Variants in COL24A1 observed in about 807,000 individuals in gnomAD.
COL24A1 encodes collagen alpha-1(XXIV) chain.
A neutral mutation model predicts 253.9 loss-of-function variants in COL24A1; 224 were observed. The ratio of observed to expected loss-of-function variants is 0.88; its 90% CI spans 0.79 to 0.99. The LOEUF is 0.99. Among genes scored for constraint, COL24A1 ranks in the 50% least tolerant of loss-of-function variants. The pLI is 0.00. For synonymous variants in COL24A1, 685 were observed against 673.7 expected, an observed-to-expected ratio of 1.02 and a Z score of -0.26; for missense variants, 2,131 against 2,068.5, an observed-to-expected ratio of 1.03 and a Z score of -0.59.
chr1:86,084,665 T>A (rs1330552191), intron 7 of COL24A1, among the ~76,000 whole-genome samples: 1 of 152,158 alleles, frequency 6.6e-6, no homozygotes, highest in Non-Finnish European at 1.5e-5. Context: ...AACTGAAATA[T>A]TTTTAGCCAA....
Position 85,842,359 on chromosome 1 carries a change from G to T in COL24A1, c.3497C>A (p.Pro1166Gln), listed in dbSNP as rs781495757. ...ACTTACCCTGTACCCTGGAATTCCT[G>T]GTTCTCCATCAGGTCCCATCAATCC... ...HLGLMGPDGE[P>Q]GIPGYRGHQG... The change falls in exon 40 of 60, where the codon CCA becomes CAA. Residue 1166 changes from proline to glutamine, a missense_variant. By Grantham distance (76) the Pro-to-Gln change is moderately conservative. Coordinates refer to ENST00000370571, the MANE Select transcript of COL24A1 (RefSeq NM_152890.7). 1 of 1,600,724 alleles carries T rather than the reference G, an allele frequency of 6.2e-7. No individual in the cohort carries two copies. Among genetic ancestry groups the T allele is most frequent in the South Asian group, 1.1e-5 (1 of 88,664 alleles).
At chr1:85,950,038 ACTC>A (rs1689738805) in intron 24 of COL24A1, among the ~76,000 whole-genome samples, 1 of 151,346 alleles carries the variant, frequency 6.6e-6, no homozygotes, top group Non-Finnish European at 1.5e-5. Context: ...TTTTAGGAAA[ACTC>A]CTCCACATTA....
chr1:85,889,513 T>C (rs1322698456), intron 32 of COL24A1, 47 bp downstream of exon 32: 1 of 1,466,020 alleles, frequency 6.8e-7, no homozygotes, highest in Non-Finnish European at 9.5e-7. Flanking sequence ...AATGTAAATG[T>C]ATTTTATGAG....
chr1:85,849,191 C>A (rs930608128), intron 38 of COL24A1, among the ~76,000 whole-genome samples, 162 bp downstream of exon 38: 1 of 152,060 alleles, frequency 6.6e-6, no homozygotes, highest in Admixed American at 6.5e-5. Flanking sequence ...GTACTCCTAA[C>A]TGAAATTAAA....
chr1:85,784,188 T>C, intron 49 of COL24A1, 22 bp from the exon 50 acceptor site: 1 of 1,612,926 alleles, frequency 6.2e-7, no homozygotes, highest in Non-Finnish European at 8.5e-7. Flanking sequence ...ATTGACATGA[T>C]AATAATTATT....
In COL24A1 at chr1:86,097,004, C is replaced by T. The variant is rs373752677; in HGVS notation, c.1600-4684G>A. Among the ~76,000 whole-genome samples, 17 of 152,282 alleles carry T rather than the reference C, an allele frequency of 1.1e-4. No homozygotes were observed. In the South Asian group the frequency reaches 3.3e-3, roughly 30 times the overall value. Reference sequence around the variant, plus strand: ...GCTCTGCCTTCTCTCATTAAACAGACAAATCCACCATTCTTTCACCAGGCT... The same window carrying T: ...GCTCTGCCTTCTCTCATTAAACAGATAAATCCACCATTCTTTCACCAGGCT... On this transcript the variant is annotated intron_variant, in intron 5 of 59. Coordinates refer to ENST00000370571, the MANE Select transcript of COL24A1 (RefSeq NM_152890.7).
At chr1:85,733,634 C>G (rs1663741745) in intron 59 of COL24A1, among the ~76,000 whole-genome samples, 1 of 151,052 alleles carries the variant, frequency 6.6e-6, no homozygotes, top group Non-Finnish European at 1.5e-5. Context: ...GGCTGGAGTG[C>G]AGTGGCACAA....
Position 85,868,768 on chromosome 1 carries a change from A to G in COL24A1, c.3192+14T>C, listed in dbSNP as rs970590407. ...AACATCTATTTTATATATAATCTTA[A>G]AAGTATAATTTACCTTTAACCCATC... is the stretch of plus-strand genomic sequence containing the variant. On this transcript the variant is annotated intron_variant, in intron 36 of 59. Coordinates refer to ENST00000370571, the MANE Select transcript of COL24A1 (RefSeq NM_152890.7). The G allele has an allele frequency of 3.3e-6, 5 of 1,517,226 alleles. No homozygotes were observed. Among genetic ancestry groups the G allele is most frequent in the South Asian group, 2.5e-5 (2 of 80,390 alleles). The allele number at this position is 1,517,226 out of a possible 1,614,324, so 94.0% of individuals were successfully genotyped here.
At chr1:85,982,846 A>G (rs1482832484) in intron 20 of COL24A1, among the ~76,000 whole-genome samples, 3 of 152,032 alleles carry the variant, frequency 2.0e-5, no homozygotes, top group Non-Finnish European at 4.4e-5. Context: ...AATATTTCTT[A>G]GCTGACTAAA....
chr1:86,020,930 C>A (rs1174358551), intron 18 of COL24A1, among the ~76,000 whole-genome samples: 1 of 152,044 alleles, frequency 6.6e-6, no homozygotes, highest in Non-Finnish European at 1.5e-5. Context: ...GCCCTTATGG[C>A]AATAAGCCCA....
chr1:85,851,754 G>A (rs960178911), intron 37 of COL24A1, among the ~76,000 whole-genome samples: 6 of 152,016 alleles, frequency 3.9e-5, no homozygotes, highest in Non-Finnish European at 8.8e-5. Context: ...TCTTGTGCCC[G>A]TTATTCTACT....
rs1648017403 is a variant in COL24A1 at position 86,124,969 on chromosome 1, T to C, written c.1367A>G (p.Asp456Gly). 1 of 1,613,096 alleles carries C rather than the reference T, an allele frequency of 6.2e-7. No homozygotes were observed. Residue 456 changes from aspartate to glycine, a missense_variant, in exon 3 of 60, where the codon GAT (aspartate) becomes GGT (glycine). Coordinates refer to ENST00000370571, the MANE Select transcript of COL24A1 (RefSeq NM_152890.7). ...DLRKEGEFYP[D>G]ATYPIENSYE... ...GCTATTTTCGATGGGATAAGTAGCA[T>C]CAGGATAAAATTCACCTTCTTTCCT...
chr1:85,942,273 C>T lies in COL24A1; in HGVS notation c.2562+18976G>A, dbSNP rs1202706066. On this transcript the variant is annotated intron_variant, in intron 24 of 59. Transcript: ENST00000370571. Reference sequence around the variant, plus strand: ...ATCTTTGAGATATGCTGCAGAAAAACCTAGAAAGTTTTCCTGAGTGGTGAA... The same window carrying T: ...ATCTTTGAGATATGCTGCAGAAAAATCTAGAAAGTTTTCCTGAGTGGTGAA... Among the ~76,000 whole-genome samples, 5 of 152,198 alleles carry T rather than the reference C, an allele frequency of 3.3e-5. No individual in the cohort carries two copies. In the East Asian group the frequency reaches 7.7e-4, roughly 24 times the overall value.
At chr1:85,932,128 C>G (rs1046093001) in intron 24 of COL24A1, among the ~76,000 whole-genome samples, 15 of 92,076 alleles carry the variant, frequency 1.6e-4, no homozygotes, top group African/African-American at 5.6e-4. Flanking sequence ...GCAAAAGAAA[C>G]TACCATCAGA....
chr1:86,050,653 G>A (rs1700234715), intron 10 of COL24A1, among the ~76,000 whole-genome samples: 1 of 152,022 alleles, frequency 6.6e-6, no homozygotes, highest in Non-Finnish European at 1.5e-5. Flanking sequence ...AGACATAATA[G>A]GAAGTCTTTG....
intron 37 of COL24A1, among the ~76,000 whole-genome samples, chr1:85,860,466 G>A (rs1313923175): frequency 6.6e-6 from 1 of 152,170 alleles, no homozygotes; most frequent in African/African-American, 2.4e-5. Flanking sequence ...TGTGGGCCAG[G>A]CACAGTGGCT....
At chr1:85,943,471 T>G (rs2103207977) in intron 24 of COL24A1, among the ~76,000 whole-genome samples, 1 of 152,374 alleles carries the variant, frequency 6.6e-6, no homozygotes, top group African/African-American at 2.4e-5. Flanking sequence ...AGTATCATTC[T>G]TTCATACTGT....
chr1:86,053,815 G>C (rs1700487470), intron 10 of COL24A1, among the ~76,000 whole-genome samples: 1 of 151,994 alleles, frequency 6.6e-6, no homozygotes, highest in African/African-American at 2.4e-5. Context: ...CCAATGAAAA[G>C]CTAATTTATC....
intron 32 of COL24A1, among the ~76,000 whole-genome samples, chr1:85,888,601 G>T (rs1438149131): frequency 1.3e-5 from 2 of 151,968 alleles, no homozygotes; most frequent in Non-Finnish European, 2.9e-5. Context: ...AATTGAAATG[G>T]CAGGTTAAGA....
Sources: gnomAD v4.1 joint callset for allele counts (sites outside exome capture counted in the v4.1 genomes callset) on GRCh38, gnomAD v4.1.1 for gene constraint, MANE v1.5 for transcripts, NCBI Gene and HGNC (gene_info 2026-07-23, HGNC 2026-07-21) for gene names.